Variants in SGMS1 observed in about 807,000 individuals in gnomAD.
The protein encoded by SGMS1 is phosphatidylcholine:ceramide cholinephosphotransferase 1.
A neutral mutation model predicts 46.2 loss-of-function variants in SGMS1; 13 were observed. That is an observed-to-expected ratio of 0.28 (90% CI 0.18 to 0.45). SGMS1 has a LOEUF of 0.45. Among genes scored for constraint, SGMS1 ranks in the 20% least tolerant of loss-of-function variants. SGMS1 has a pLI of 1.00. For synonymous variants in SGMS1, 203 were observed against 187.8 expected (o/e 1.08, Z -0.66); for missense variants, 324 against 519.9 (o/e 0.62, Z 3.66).
intron 2 of SGMS1, among the ~76,000 whole-genome samples, chr10:50,541,610 T>C (rs1454222798): frequency 6.6e-6 from 1 of 152,014 alleles, no homozygotes; most frequent in African/African-American, 2.4e-5. Context: ...CAGAGAGTGG[T>C]TGTTAAGCTG....
At position 50,308,007 on chromosome 10, in the gene SGMS1, C is replaced by T; in HGVS notation, c.1037G>A (p.Trp346Ter). 1 of 1,613,866 alleles carries T rather than the reference C, an allele frequency of 6.2e-7. No individual in the cohort carries two copies. Among genetic ancestry groups the T allele is most frequent in the Non-Finnish European group, 8.5e-7 (1 of 1,179,908 alleles). Residue 346 changes from tryptophan to a stop codon, truncating the protein, a stop_gained, in exon 10 of 11, where the codon TGG becomes TAG. Coordinates refer to ENST00000361781, the MANE Select transcript of SGMS1 (RefSeq NM_147156.4). LOFTEE classifies it high-confidence loss of function. ...AYYITTRLFW[W>*]YHTMANQQVL... ...TTGCTGATTGGCCATAGTGTGATACCACCAGAAGAGTCTCGTGGTGATGTA... is the reference window on the plus strand; with the variant it reads ...TTGCTGATTGGCCATAGTGTGATACTACCAGAAGAGTCTCGTGGTGATGTA...
At chr10:50,322,916 G>A (rs1000266772) in intron 8 of SGMS1, among the ~76,000 whole-genome samples, 2 of 150,874 alleles carry the variant, frequency 1.3e-5, no homozygotes, top group African/African-American at 4.9e-5. Flanking sequence ...GAGCTATGAT[G>A]AGAGTAACAT....
At position 50,478,578 on chromosome 10, in the gene SGMS1, T is replaced by C. The variant is rs1837449031; in HGVS notation, c.-497-11646A>G. ...AGGAGGTTAATTGTACCATCCATTTTTGTAAATGTTATAAGAAAACCTATC... is the reference window on the plus strand; with the variant it reads ...AGGAGGTTAATTGTACCATCCATTTCTGTAAATGTTATAAGAAAACCTATC... On this transcript the variant is annotated intron_variant, in intron 3 of 10. Transcript: ENST00000361781. Among the ~76,000 whole-genome samples the C allele has an allele frequency of 1.3e-5, 2 of 152,186 alleles. 1 individual carries two copies. Among genetic ancestry groups the C allele is most frequent in the South Asian group, 4.1e-4 (2 of 4,828 alleles).
At chr10:50,440,465 C>T (rs534298139) in intron 5 of SGMS1, among the ~76,000 whole-genome samples, 3 of 152,242 alleles carry the variant, frequency 2.0e-5, no homozygotes, top group South Asian at 2.1e-4. Context: ...CTATTCCTAT[C>T]AGTGAACATT....
At chr10:50,322,814 G>A (rs1589384697) in intron 8 of SGMS1, among the ~76,000 whole-genome samples, 1 of 144,986 alleles carries the variant, frequency 6.9e-6, no homozygotes, top group East Asian at 2.0e-4. Flanking sequence ...AGTCCGGCCT[G>A]GGCGACAGAG....
At chr10:50,339,291 T>A (rs149282409) in intron 7 of SGMS1, among the ~76,000 whole-genome samples, 186 of 152,350 alleles carry the variant, frequency 1.2e-3, no homozygotes, top group African/African-American at 4.2e-3. Context: ...CATGGACCCT[T>A]GACCGTTCCT....
intron 6 of SGMS1, among the ~76,000 whole-genome samples, chr10:50,401,761 G>T (rs1848944270): frequency 6.6e-6 from 1 of 152,048 alleles, no homozygotes; most frequent in African/African-American, 2.4e-5. Flanking sequence ...AAGCACCAAG[G>T]TCTCACCCAC....
intron 6 of SGMS1, among the ~76,000 whole-genome samples, chr10:50,385,366 A>G (rs1377786124): frequency 6.6e-6 from 1 of 152,150 alleles, no homozygotes; most frequent in Admixed American, 6.5e-5. Flanking sequence ...AATCAGGTAG[A>G]CTTGGATTCC....
chr10:50,516,285 T>C (rs758574229), intron 3 of SGMS1, among the ~76,000 whole-genome samples: 1 of 152,192 alleles, frequency 6.6e-6, no homozygotes, highest in Non-Finnish European at 1.5e-5. Flanking sequence ...TTTCTATGCC[T>C]ATTAAGGGGA....
intron 6 of SGMS1, among the ~76,000 whole-genome samples, chr10:50,374,460 T>C (rs1343248742): frequency 7.6e-6 from 1 of 131,118 alleles, no homozygotes; most frequent in Non-Finnish European, 1.6e-5. Context: ...TTATCTAATC[T>C]ATTAGAGCAA....
intron 3 of SGMS1, among the ~76,000 whole-genome samples, chr10:50,489,783 G>A (rs1273367545): frequency 6.6e-6 from 1 of 152,112 alleles, no homozygotes; most frequent in Non-Finnish European, 1.5e-5. Flanking sequence ...AGACCAGCCT[G>A]GCCAACATGA....
At chr10:50,593,129 AC>A in intron 1 of SGMS1, among the ~76,000 whole-genome samples, 1 of 152,364 alleles carries the variant, frequency 6.6e-6, no homozygotes, top group Admixed American at 6.5e-5. Context: ...GCAGAGATAC[AC>A]GTGGGAAAGA....
At chr10:50,490,682 G>A (rs767215315) in intron 3 of SGMS1, among the ~76,000 whole-genome samples, 13 of 152,126 alleles carry the variant, frequency 8.5e-5, no homozygotes, top group Admixed American at 7.9e-4. Flanking sequence ...GTGTGGGTTC[G>A]GAGCAAATCC....
chr10:50,480,472 T>C (rs7096968), intron 3 of SGMS1, among the ~76,000 whole-genome samples: 30,025 of 151,812 alleles, frequency 0.2, 4,007 homozygotes, highest in African/African-American at 0.37. Context: ...ACTAGGTAGT[T>C]GGTGTACCAT....
At chr10:50,362,073 A>G (rs185686001) in intron 6 of SGMS1, among the ~76,000 whole-genome samples, 1 of 152,304 alleles carries the variant, frequency 6.6e-6, no homozygotes, top group East Asian at 1.9e-4. Context: ...CATAGTACAC[A>G]CTTAATAGAT....
At chr10:50,383,266 T>C in intron 6 of SGMS1, among the ~76,000 whole-genome samples, 1 of 152,200 alleles carries the variant, frequency 6.6e-6, no homozygotes. Context: ...TTAAATTGTT[T>C]ACAGATGAAT....
Position 50,520,374 on chromosome 10 carries a change from C to T in SGMS1, c.-588-453G>A, listed in dbSNP as rs191369514. Among the ~76,000 whole-genome samples, 38 of 149,404 alleles carry T rather than the reference C, an allele frequency of 2.5e-4. No individual in the cohort carries two copies. In the East Asian group the frequency reaches 7.4e-3, roughly 29 times the overall value. On this transcript the variant is annotated intron_variant, in intron 2 of 10. Transcript: ENST00000361781. The stretch of plus-strand genomic sequence containing the variant: ...TCTAGCCTGGGCAACACAGCAAGAC[C>T]CCATCTCAAAAAAAAAACTATTAAT...
At chr10:50,382,636 C>A (rs1200078096) in intron 6 of SGMS1, among the ~76,000 whole-genome samples, 1 of 150,452 alleles carries the variant, frequency 6.6e-6, no homozygotes, top group Non-Finnish European at 1.5e-5. Context: ...CACACACACA[C>A]AAACATTCAT....
At chr10:50,468,698 T>C (rs1837352851) in intron 3 of SGMS1, among the ~76,000 whole-genome samples, 1 of 152,314 alleles carries the variant, frequency 6.6e-6, no homozygotes, top group East Asian at 1.9e-4. Flanking sequence ...CACACCTGCA[T>C]GAATATTTAA....
Sources: allele counts gnomAD v4.1 joint callset (sites outside exome capture counted in the v4.1 genomes callset), GRCh38; gene constraint gnomAD v4.1.1; transcripts MANE v1.5; gene names NCBI Gene and HGNC (gene_info 2026-07-23, HGNC 2026-07-21).